The following CYP27A1 variants were observed in gnomAD, a reference collection of about 807,000 sequenced individuals.
CYP27A1 encodes cytochrome P450 family 27 subfamily A member 1.
CYP27A1 carries 46 observed loss-of-function variants against 58.2 expected under a neutral mutation model. That is an observed-to-expected ratio of 0.79 (90% CI 0.62 to 1.01). CYP27A1 has a LOEUF of 1.01. Among genes scored for constraint, CYP27A1 ranks in the 50% least tolerant of loss-of-function variants. The pLI is 0.00. For missense variants in CYP27A1, 704 were observed against 687.0 expected (o/e 1.02, Z -0.28); for synonymous variants, 274 against 285.1 (o/e 0.96, Z 0.39).
intron 2 of CYP27A1, among the ~76,000 whole-genome samples, chr2:218,811,147 CAA>C (rs1470396287): frequency 6.6e-6 from 1 of 152,102 alleles, no homozygotes; most frequent in African/African-American, 2.4e-5. Flanking sequence ...CAAAACAAAA[CAA>C]ACAAAAATAC....
intron 1 of CYP27A1, among the ~76,000 whole-genome samples, chr2:218,797,527 C>G (rs1270669234): frequency 6.6e-6 from 1 of 152,230 alleles, no homozygotes; most frequent in Non-Finnish European, 1.5e-5. Flanking sequence ...TTGGCAATCT[C>G]TAAACATGAC....
At chr2:218,784,238 TG>T (rs1206036303) in intron 1 of CYP27A1, among the ~76,000 whole-genome samples, 1 of 152,160 alleles carries the variant, frequency 6.6e-6, no homozygotes, top group East Asian at 1.9e-4. Flanking sequence ...TTGTGAGACT[TG>T]GGGATGTGAA....
Position 218,783,302 on chromosome 2 carries a change from T to A in CYP27A1, c.255+865T>A, listed in dbSNP as rs532788345. 3.1e-4 allele frequency among the ~76,000 whole-genome samples: 46 copies of A among 149,876 alleles called. No homozygotes were observed. The South Asian group carries it at 9.2e-3, about 30-fold the overall frequency. On this transcript the variant is annotated intron_variant, in intron 1 of 8. Coordinates refer to ENST00000258415, the MANE Select transcript of CYP27A1 (RefSeq NM_000784.4). ...GAAAAAAAGAAAAAAGAAATCAGCC[T>A]GTAGTCTGTGTTCAGGTTAGTGGTG...
At chr2:218,799,315 A>G (rs1248173327) in intron 1 of CYP27A1, among the ~76,000 whole-genome samples, 8 of 152,232 alleles carry the variant, frequency 5.3e-5, no homozygotes, top group African/African-American at 1.7e-4. Flanking sequence ...GGAAACCCCA[A>G]TTACAAACCA....
chr2:218,798,542 T>C (rs1943568235), intron 1 of CYP27A1, among the ~76,000 whole-genome samples: 1 of 152,176 alleles, frequency 6.6e-6, no homozygotes, highest in Non-Finnish European at 1.5e-5. Flanking sequence ...AGTAGGCAAG[T>C]CAAATAGTTC....
At chr2:218,796,634 G>A (rs558970531) in intron 1 of CYP27A1, among the ~76,000 whole-genome samples, 1 of 152,204 alleles carries the variant, frequency 6.6e-6, no homozygotes, top group Non-Finnish European at 1.5e-5. Context: ...CTCACAGATA[G>A]TTTCCAAATT....
At chr2:218,795,675 A>G (rs1943541402) in intron 1 of CYP27A1, among the ~76,000 whole-genome samples, 1 of 152,208 alleles carries the variant, frequency 6.6e-6, no homozygotes, top group African/African-American at 2.4e-5. Flanking sequence ...AGGCAGGGTT[A>G]GTCTAAAATG....
intron 2 of CYP27A1, among the ~76,000 whole-genome samples, chr2:218,810,944 A>G (rs912537047): frequency 3.3e-5 from 5 of 152,102 alleles, no homozygotes; most frequent in South Asian, 4.1e-4. Context: ...TCAGGAGATC[A>G]AGACCATCCT....
At chr2:218,794,488 C>T (rs1233393718) in intron 1 of CYP27A1, among the ~76,000 whole-genome samples, 2 of 152,056 alleles carry the variant, frequency 1.3e-5, no homozygotes, top group African/African-American at 4.8e-5. Context: ...AAACATGTAT[C>T]AAAAGGAGAA....
chr2:218,786,677 T>G (rs1426559932), intron 1 of CYP27A1, among the ~76,000 whole-genome samples: 1 of 152,200 alleles, frequency 6.6e-6, no homozygotes, highest in African/African-American at 2.4e-5. Context: ...GTGCACTGCC[T>G]GGCTTGGTGA....
rs1480759669 is a variant in CYP27A1 at position 218,813,114 on chromosome 2, G to A, written c.1017+18G>A. On this transcript the variant is annotated intron_variant, in intron 5 of 8. Coordinates refer to ENST00000258415, the MANE Select transcript of CYP27A1 (RefSeq NM_000784.4). ...TGGACACGGTGCGTGAAGGGGGAGG[G>A]TGAGACCAGGGGCCCCCAGCTCCCA... is the stretch of plus-strand genomic sequence containing the variant. 2 of 1,597,004 alleles carry A rather than the reference G, an allele frequency of 1.3e-6. No individual in the cohort carries two copies. Among genetic ancestry groups the A allele is most frequent in the South Asian group, 2.2e-5 (2 of 89,272 alleles).
Position 218,782,490 on chromosome 2 carries a change from G to A in CYP27A1, c.255+53G>A. 1 of 1,611,066 alleles carries A rather than the reference G, an allele frequency of 6.2e-7. No homozygotes were observed. Among genetic ancestry groups the A allele is most frequent in the Non-Finnish European group, 8.5e-7 (1 of 1,178,070 alleles). ...GGATGGGAGTGGGCACCGGAACAGA[G>A]AGGCTAGAGGTGAGAAGACGTTGGA... On this transcript the variant is annotated intron_variant, in intron 1 of 8. Transcript: ENST00000258415. This position sits in a 1 kb window ranked among gnomAD's most constrained non-coding sequence, Gnocchi z 4.1.
rs1943764251 is a variant in CYP27A1 at position 218,814,423 on chromosome 2, G to A, written c.1228G>A (p.Glu410Lys). The part of the protein sequence containing the change: ...VPTNSRIIEK[E>K]IEVDGFLFPK... ...CACAAACTCCCGGATCATAGAAAAG[G>A]AAATTGAAGTTGATGGCTTCCTCTT... The change falls in exon 7 of 9, where the codon GAA (glutamate) becomes AAA (lysine). Residue 410 changes from glutamate (E) to lysine (K), a missense_variant. By Grantham distance (56) the Glu-to-Lys change is moderately conservative. Coordinates refer to ENST00000258415, the MANE Select transcript of CYP27A1 (RefSeq NM_000784.4). 2 of 1,614,252 alleles carry A rather than the reference G, an allele frequency of 1.2e-6. No individual in the cohort carries two copies. Among genetic ancestry groups the A allele is most frequent in the East Asian group, 4.5e-5 (2 of 44,890 alleles).
chr2:218,782,422 A>G lies in CYP27A1; in HGVS notation c.240A>G (p.Gln80=). The G allele has an allele frequency of 1.2e-6, 2 of 1,614,214 alleles. No homozygotes were observed. Among genetic ancestry groups the G allele is most frequent in the Non-Finnish European group, 1.7e-6 (2 of 1,180,028 alleles). ...TGTTCGTTCAAGGCTATGCCCTGCA[A>G]CTGCACCAGTTACAGGTAACCCGCG... The part of the protein sequence containing the change: ...FQLFVQGYAL[Q]LHQLQVLYKA... The change falls in exon 1 of 9, where the codon CAA becomes CAG. Residue 80 remains glutamine (Q), a synonymous_variant. Transcript: ENST00000258415. This position sits in a 1 kb window ranked among gnomAD's most constrained non-coding sequence, Gnocchi z 4.1.
At chr2:218,799,982 G>C (rs1943583816) in intron 1 of CYP27A1, among the ~76,000 whole-genome samples, 1 of 152,066 alleles carries the variant, frequency 6.6e-6, no homozygotes, top group African/African-American at 2.4e-5. Flanking sequence ...CCCTAGTCCT[G>C]TTCATCTTGA....
intron 1 of CYP27A1, among the ~76,000 whole-genome samples, chr2:218,802,157 C>T (rs948747884): frequency 2.6e-5 from 4 of 151,896 alleles, no homozygotes; most frequent in Non-Finnish European, 5.9e-5. Flanking sequence ...ATTAGTTTAG[C>T]CCGTGCGGCC....
Position 218,814,625 on chromosome 2 carries a change from C to A in CYP27A1, c.1344C>A (p.Arg448=). Residue 448 remains arginine (R), a synonymous_variant, in exon 8 of 9, where the codon CGC becomes CGA. Transcript: ENST00000258415. The part of the protein sequence containing the change: ...FSEPESFQPH[R]WLRNSQPATP... ...AGCCTGAAAGCTTCCAGCCCCACCG[C>A]TGGCTGAGAAACAGCCAGCCTGCTA... 1 of 1,614,244 alleles carries A rather than the reference C, an allele frequency of 6.2e-7. No homozygotes were observed. The highest frequency in any genetic ancestry group is 2.2e-5 in the East Asian group (1 of 44,888).
chr2:218,809,741 C>T lies in CYP27A1; in HGVS notation c.420C>T (p.His140=), dbSNP rs139415581. The T allele has an allele frequency of 5.9e-5, 95 of 1,613,774 alleles. No homozygotes were observed. The highest frequency in any genetic ancestry group is 1.6e-4 in the Middle Eastern group (1 of 6,080). Residue 140 remains histidine, a synonymous_variant, in exon 2 of 9, where the codon CAC becomes CAT. Coordinates refer to ENST00000258415, the MANE Select transcript of CYP27A1 (RefSeq NM_000784.4). Reference sequence around the variant, plus strand: ...TATGGAAGGAGCACCGGGACCAGCACGACCTGACCTATGGGCCGTTCACCA... The same window carrying T: ...TATGGAAGGAGCACCGGGACCAGCATGACCTGACCTATGGGCCGTTCACCA... The part of the protein sequence containing the change: ...MELWKEHRDQ[H]DLTYGPFTTE...
Position 218,784,514 on chromosome 2 carries a change from T to C in CYP27A1, c.255+2077T>C, listed in dbSNP as rs373450024. On this transcript the variant is annotated intron_variant, in intron 1 of 8. Coordinates refer to ENST00000258415, the MANE Select transcript of CYP27A1 (RefSeq NM_000784.4). ...TTACCTTTCTCACGCAAAGATTTCA[T>C]GCCTATCGCATTGCTTTAAGAAGAA... Among the ~76,000 whole-genome samples, 9 of 152,268 alleles carry C rather than the reference T, an allele frequency of 5.9e-5. No individual in the cohort carries two copies. In the East Asian group the frequency reaches 1.3e-3, roughly 23 times the overall value.
Sources: allele counts gnomAD v4.1 joint callset (sites outside exome capture counted in the v4.1 genomes callset), GRCh38; gene constraint gnomAD v4.1.1; non-coding constraint Gnocchi (gnomAD v3.1); transcripts MANE v1.5; gene names NCBI Gene and HGNC (gene_info 2026-07-23, HGNC 2026-07-21).